The following ZNF676 variants were observed in gnomAD, a reference collection of about 807,000 sequenced individuals.
ZNF676 encodes the protein zinc finger protein 676.
In ZNF676, 4 loss-of-function variants were observed where a neutral mutation model predicts 6.0. The ratio of observed to expected loss-of-function variants is 0.67; its 90% CI spans 0.33 to 1.53. The LOEUF (loss-of-function observed/expected upper bound fraction) is 1.53. Ranked by LOEUF, ZNF676 falls within the 40% of genes most tolerant of loss-of-function variation. ZNF676 has a pLI of 0.06. For synonymous variants in ZNF676, 198 were observed against 223.1 expected, an observed-to-expected ratio of 0.89 and a Z score of 1.00; for missense variants, 644 against 679.7, an observed-to-expected ratio of 0.95 and a Z score of 0.58.
chr19:22,222,749 G>A, the ZNF676 span, among the ~76,000 whole-genome samples: 9 of 152,232 alleles, frequency 5.9e-5, no homozygotes, highest in East Asian at 1.9e-4. Flanking sequence ...AAGCAGCTGC[G>A]TCTGCATAGG....
chr19:22,225,226 G>A, the ZNF676 span, among the ~76,000 whole-genome samples: 1 of 152,046 alleles, frequency 6.6e-6, no homozygotes, highest in East Asian at 1.9e-4. Flanking sequence ...TCATCATTTT[G>A]TTACTGGTTT....
At chr19:22,207,637 A>G (rs1182017964) in intron 1 of ZNF676, among the ~76,000 whole-genome samples, 2 of 152,242 alleles carry the variant, frequency 1.3e-5, no homozygotes, top group Non-Finnish European at 2.9e-5. Context: ...CTGAATAGCC[A>G]AGGCAATCAT....
the ZNF676 span, among the ~76,000 whole-genome samples, chr19:22,260,071 T>C: frequency 6.6e-6 from 1 of 152,088 alleles, no homozygotes; most frequent in African/African-American, 2.4e-5. Flanking sequence ...GGGGGTAAGA[T>C]TAATAATTCC....
At chr19:22,192,419 G>A (rs1375457559) in intron 2 of ZNF676, among the ~76,000 whole-genome samples, 1 of 151,964 alleles carries the variant, frequency 6.6e-6, no homozygotes, top group African/African-American at 2.4e-5. Flanking sequence ...ATATTCCAGT[G>A]TTTTTCTTTC....
intron 1 of ZNF676, among the ~76,000 whole-genome samples, chr19:22,212,989 C>A (rs2024145642): frequency 1.3e-5 from 2 of 151,476 alleles, no homozygotes; most frequent in East Asian, 3.9e-4. Context: ...AGGGAGACTC[C>A]ATCTCAAAAA....
At chr19:22,253,404 G>GTGTATGTATATATATATA in the ZNF676 span, among the ~76,000 whole-genome samples, 1 of 97,042 alleles carries the variant, frequency 1.0e-5, no homozygotes, top group Non-Finnish European at 2.0e-5. Context: ...ATGATAATGT[G>GTGTATGTATATATATATA]TATATATATA....
the ZNF676 span, among the ~76,000 whole-genome samples, chr19:22,221,315 T>G: frequency 6.6e-6 from 1 of 152,240 alleles, no homozygotes; most frequent in Non-Finnish European, 1.5e-5. Context: ...TCCATCTTGA[T>G]TTCATTGTGG....
At chr19:22,216,703 C>T (rs1300237479), upstream of ZNF676, among the ~76,000 whole-genome samples, 2 of 151,510 alleles carry the variant, frequency 1.3e-5, no homozygotes, top group African/African-American at 4.9e-5. Flanking sequence ...CAGCTCACTG[C>T]AACCTCCCTC....
chr19:22,242,843 T>TG, the ZNF676 span, among the ~76,000 whole-genome samples: 1,600 of 135,306 alleles, frequency 0.012, 45 homozygotes, highest in Admixed American at 0.064. Flanking sequence ...TTACCCAAGT[T>TG]GGGGGGGGGC....
the ZNF676 span, among the ~76,000 whole-genome samples, chr19:22,257,148 A>G: frequency 1.4e-4 from 22 of 152,092 alleles, no homozygotes; most frequent in Non-Finnish European, 2.6e-4. Context: ...AGGCAGGAGA[A>G]TCACATCACC....
intron 1 of ZNF676, among the ~76,000 whole-genome samples, chr19:22,208,195 G>A (rs1290120822): frequency 6.6e-6 from 1 of 151,080 alleles, no homozygotes; most frequent in Non-Finnish European, 1.5e-5. Flanking sequence ...TGCAAACTAT[G>A]CTTCTGACAA....
At chr19:22,250,893 G>C in the ZNF676 span, among the ~76,000 whole-genome samples, 1 of 152,050 alleles carries the variant, frequency 6.6e-6, no homozygotes, top group Non-Finnish European at 1.5e-5. Context: ...AGTATTTCAT[G>C]TCAAGATGGG....
At chr19:22,253,399 A>T in the ZNF676 span, among the ~76,000 whole-genome samples, 88 of 40,818 alleles carry the variant, frequency 2.2e-3, no homozygotes, top group Middle Eastern at 0.012. Context: ...TATATATGAT[A>T]ATGTGTATAT....
At chr19:22,192,088 A>G (rs2023914963) in intron 2 of ZNF676, among the ~76,000 whole-genome samples, 1 of 152,220 alleles carries the variant, frequency 6.6e-6, no homozygotes, top group South Asian at 2.1e-4. Flanking sequence ...CATAAACAGT[A>G]CATTAAAATC....
intron 1 of ZNF676, among the ~76,000 whole-genome samples, chr19:22,210,356 C>T (rs527537779): frequency 2.6e-5 from 4 of 152,070 alleles, no homozygotes; most frequent in Admixed American, 2.6e-4. Flanking sequence ...AGTCACAAAC[C>T]CCATGGGCTC....
chr19:22,254,887 C>T, the ZNF676 span, among the ~76,000 whole-genome samples: 4 of 152,242 alleles, frequency 2.6e-5, no homozygotes, highest in African/African-American at 7.2e-5. Context: ...CAGTGATATG[C>T]CACAATTTCA....
chr19:22,214,745 T>G (rs1246772558), intron 1 of ZNF676, among the ~76,000 whole-genome samples: 1 of 150,164 alleles, frequency 6.7e-6, no homozygotes, highest in Non-Finnish European at 1.5e-5. Flanking sequence ...TGTTACAAAT[T>G]AAGAAACCAT....
the ZNF676 span, among the ~76,000 whole-genome samples, chr19:22,249,895 T>G: frequency 1.3e-5 from 2 of 151,918 alleles, no homozygotes; most frequent in Non-Finnish European, 2.9e-5. Flanking sequence ...TATTAAAAAC[T>G]TGTTTTGGCC....
the ZNF676 span, among the ~76,000 whole-genome samples, chr19:22,231,899 C>T: frequency 6.6e-6 from 1 of 152,022 alleles, no homozygotes; most frequent in African/African-American, 2.4e-5. Flanking sequence ...CGCGCCTGGC[C>T]TTGAGCTCTA....
Sources: gnomAD v4.1 joint callset for allele counts (sites outside exome capture counted in the v4.1 genomes callset) on GRCh38, gnomAD v4.1.1 for gene constraint, MANE v1.5 for transcripts, NCBI Gene and HGNC (gene_info 2026-07-23, HGNC 2026-07-21) for gene names.